The following CTNND2 variants were observed in gnomAD, a reference collection of about 807,000 sequenced individuals.
CTNND2 encodes catenin delta 2.
CTNND2 carries 22 observed loss-of-function variants against 144.4 expected under a neutral mutation model. That is an observed-to-expected ratio of 0.15 (90% confidence interval 0.11 to 0.22). The LOEUF (loss-of-function observed/expected upper bound fraction) is 0.22, where lower values mean the gene tolerates loss of function less well. Among genes scored for constraint, CTNND2 ranks in the 10% least tolerant of loss-of-function variants. The pLI is 1.00. For synonymous variants in CTNND2, 751 were observed against 695.6 expected (o/e 1.08, Z -1.25); for missense variants, 1,353 against 1,618.8 (o/e 0.84, Z 2.82).
intron 2 of CTNND2, among the ~76,000 whole-genome samples, chr5:11,696,395 G>A (rs541258048): frequency 6.6e-6 from 1 of 152,316 alleles, no homozygotes; most frequent in East Asian, 1.9e-4. Flanking sequence ...TTGGGCTATA[G>A]TTTGCAGACC....
intron 9 of CTNND2, among the ~76,000 whole-genome samples, chr5:11,311,044 C>T (rs1750766974): frequency 6.9e-6 from 1 of 145,656 alleles, no homozygotes; most frequent in African/African-American, 2.6e-5. Flanking sequence ...CACTCTTACC[C>T]CACAGGCACT....
intron 2 of CTNND2, among the ~76,000 whole-genome samples, chr5:11,703,835 C>A (rs1785566151): frequency 6.6e-6 from 1 of 152,148 alleles, no homozygotes; most frequent in Non-Finnish European, 1.5e-5. Flanking sequence ...ATAATTTGAT[C>A]AGACCCCCGT....
intron 12 of CTNND2, among the ~76,000 whole-genome samples, chr5:11,122,322 T>A (rs751344379): frequency 6.6e-6 from 1 of 152,128 alleles, no homozygotes; most frequent in Non-Finnish European, 1.5e-5. Flanking sequence ...AGATATAAAC[T>A]TTCTTATGAT....
intron 1 of CTNND2, among the ~76,000 whole-genome samples, chr5:11,801,638 T>G (rs554854488): frequency 6.6e-6 from 1 of 152,334 alleles, no homozygotes; most frequent in African/African-American, 2.4e-5. Context: ...AATTTTTTTT[T>G]CTTTTGTATA....
At chr5:11,330,483 C>CAAA (rs10627159) in intron 9 of CTNND2, among the ~76,000 whole-genome samples, 661 of 43,338 alleles carry the variant, frequency 0.015, 99 homozygotes, top group East Asian at 0.023. Context: ...GACTCCGTCT[C>CAAA]AAAAAAAAAA....
intron 2 of CTNND2, among the ~76,000 whole-genome samples, chr5:11,700,362 C>T (rs1344514873): frequency 2.0e-5 from 3 of 152,102 alleles, no homozygotes; most frequent in Non-Finnish European, 1.5e-5. Flanking sequence ...TGTGCTCCAG[C>T]CTGGGCAACA....
chr5:11,831,292 C>A (rs1793886677), intron 1 of CTNND2, among the ~76,000 whole-genome samples: 3 of 149,992 alleles, frequency 2.0e-5, no homozygotes, highest in Admixed American at 2.0e-4. Flanking sequence ...AGGACTTATA[C>A]TGCCTCAATC....
At chr5:11,006,120 C>G (rs1163402845) in intron 18 of CTNND2, among the ~76,000 whole-genome samples, 1 of 152,040 alleles carries the variant, frequency 6.6e-6, no homozygotes, top group African/African-American at 2.4e-5. Context: ...GGGTCCCAAA[C>G]AAGGATGTTG....
chr5:11,502,027 CA>C lies in CTNND2; in HGVS notation c.287+62916del, dbSNP rs547364682. Among the ~76,000 whole-genome samples, 313 of 57,198 alleles carry C rather than the reference CA, an allele frequency of 5.5e-3. 1 individual carries two copies. The highest frequency in any genetic ancestry group is 8.0e-3 in the East Asian group (8 of 996). The allele number at this position is 57,198 out of a possible 152,430, so 37.5% of individuals were successfully genotyped here. ...TGGGTGACAGAGCGAGACTCCATCT[CA>C]AAAAAAAAAAAAAAAAAAAAAAAAA... On this transcript the variant is annotated intron_variant, in intron 3 of 21. Coordinates refer to ENST00000304623, the MANE Select transcript of CTNND2 (RefSeq NM_001332.4).
chr5:11,586,917 T>C (rs1261321248), intron 2 of CTNND2, among the ~76,000 whole-genome samples: 1 of 151,992 alleles, frequency 6.6e-6, no homozygotes, highest in African/African-American at 2.4e-5. Context: ...TTCAGATATA[T>C]CCACATAATA....
At chr5:11,306,065 C>G (rs777935141) in intron 9 of CTNND2, among the ~76,000 whole-genome samples, 2 of 152,148 alleles carry the variant, frequency 1.3e-5, no homozygotes, top group African/African-American at 2.4e-5. Context: ...AACAGGAAGA[C>G]AGTGAAGAAT....
At position 11,268,261 on chromosome 5, in the gene CTNND2, T is replaced by C. The variant is rs895825240; in HGVS notation, c.1629-31438A>G. On this transcript the variant is annotated intron_variant, in intron 9 of 21. Coordinates refer to ENST00000304623, the MANE Select transcript of CTNND2 (RefSeq NM_001332.4). ...TAAATAGTAATTTCAGTAAGGTATC[T>C]TCTCAGTCACCAAAGATTCGATTTA... Among the ~76,000 whole-genome samples the C allele has an allele frequency of 2.4e-4, 37 of 152,174 alleles. 1 individual carries two copies.
intron 16 of CTNND2, among the ~76,000 whole-genome samples, chr5:11,030,541 T>C (rs899298918): frequency 6.6e-6 from 1 of 152,110 alleles, no homozygotes; most frequent in South Asian, 2.1e-4. Context: ...CTTTAGTGAA[T>C]TTTTCATTTC....
intron 3 of CTNND2, among the ~76,000 whole-genome samples, chr5:11,492,401 G>A (rs962191453): frequency 6.6e-6 from 1 of 152,008 alleles, no homozygotes; most frequent in African/African-American, 2.4e-5. Context: ...GTAAGTATGT[G>A]TAAATATCAG....
chr5:11,166,422 T>G lies in CTNND2; in HGVS notation c.1976-6663A>C, dbSNP rs1360252790. 3.3e-5 allele frequency among the ~76,000 whole-genome samples: 5 copies of G among 151,934 alleles called. No individual in the cohort carries two copies. The South Asian group carries it at 1.0e-3, about 32-fold the overall frequency. Reference sequence around the variant, plus strand: ...CACCACCACGCCCGGCTAAATTTTTTGTATTTTTAGTAGAGACGGGGTTTC... The same window carrying G: ...CACCACCACGCCCGGCTAAATTTTTGGTATTTTTAGTAGAGACGGGGTTTC... On this transcript the variant is annotated intron_variant, in intron 11 of 21. Coordinates refer to ENST00000304623, the MANE Select transcript of CTNND2 (RefSeq NM_001332.4).
In CTNND2 at chr5:11,722,502, C is replaced by T. The variant is rs137874258; in HGVS notation, c.174+9634G>A. 8.4e-3 allele frequency among the ~76,000 whole-genome samples: 1,275 copies of T among 152,260 alleles called. 11 individuals carry two copies. The highest frequency in any genetic ancestry group is 0.014 in the Non-Finnish European group (985 of 68,010). The stretch of plus-strand genomic sequence containing the variant: ...ACTGTATAAGTCCATTCTCATGCTG[C>T]TATGAAGAAATACCTGAGACTAGGT... On this transcript the variant is annotated intron_variant, in intron 2 of 21. Coordinates refer to ENST00000304623, the MANE Select transcript of CTNND2 (RefSeq NM_001332.4).
chr5:11,853,422 T>C (rs1175957226), intron 1 of CTNND2, among the ~76,000 whole-genome samples: 1 of 152,162 alleles, frequency 6.6e-6, no homozygotes, highest in African/African-American at 2.4e-5. Context: ...CAGGGCTCAG[T>C]GGTCTTACCA....
At chr5:11,765,936 T>A (rs959829963) in intron 1 of CTNND2, among the ~76,000 whole-genome samples, 10 of 152,230 alleles carry the variant, frequency 6.6e-5, no homozygotes, top group African/African-American at 2.4e-4. Flanking sequence ...TATTTCTTAA[T>A]AACTAGAGTC....
At chr5:11,195,568 C>T (rs1250733309) in intron 11 of CTNND2, among the ~76,000 whole-genome samples, 1 of 152,214 alleles carries the variant, frequency 6.6e-6, no homozygotes, top group South Asian at 2.1e-4. Flanking sequence ...GACTCCTTAA[C>T]TAAAAGGAAA....
Sources: gnomAD v4.1 joint callset for allele counts (sites outside exome capture counted in the v4.1 genomes callset) on GRCh38, gnomAD v4.1.1 for gene constraint, MANE v1.5 for transcripts, NCBI Gene and HGNC (gene_info 2026-07-23, HGNC 2026-07-21) for gene names.